Variants in PRKCA observed in about 807,000 individuals in gnomAD.
PRKCA encodes the protein protein kinase C alpha.
A neutral mutation model predicts 87.0 loss-of-function variants in PRKCA; 27 were observed. The ratio of observed to expected loss-of-function variants is 0.31; its 90% CI spans 0.23 to 0.43. The LOEUF (loss-of-function observed/expected upper bound fraction) is 0.43. PRKCA is among the 20% of genes least tolerant of loss of function. The pLI is 1.00. For synonymous variants in PRKCA, 329 were observed against 311.1 expected, an observed-to-expected ratio of 1.06 and a Z score of -0.61; for missense variants, 518 against 852.3, an observed-to-expected ratio of 0.61 and a Z score of 4.88.
intron 2 of PRKCA, among the ~76,000 whole-genome samples, chr17:66,458,647 A>G (rs1244985463): frequency 1.3e-5 from 2 of 151,840 alleles, no homozygotes; most frequent in Non-Finnish European, 2.9e-5. Context: ...CGCCCAGCTA[A>G]TTTTTGTATT....
chr17:66,622,575 T>G (rs1216190007), intron 3 of PRKCA, among the ~76,000 whole-genome samples: 1 of 152,218 alleles, frequency 6.6e-6, no homozygotes, highest in Non-Finnish European at 1.5e-5. Context: ...AAAGTAGATA[T>G]TAGAGTAACA....
chr17:66,516,847 A>T (rs1355531429), intron 3 of PRKCA, among the ~76,000 whole-genome samples: 2 of 152,168 alleles, frequency 1.3e-5, no homozygotes, highest in Non-Finnish European at 2.9e-5. Context: ...AGGTGGCTTA[A>T]CAAGAAATGC....
At chr17:66,381,534 A>G (rs1457817124) in intron 2 of PRKCA, among the ~76,000 whole-genome samples, 2 of 152,172 alleles carry the variant, frequency 1.3e-5, no homozygotes, top group Non-Finnish European at 2.9e-5. Flanking sequence ...GAGGAGAAGG[A>G]TTGGACAATC....
intron 3 of PRKCA, among the ~76,000 whole-genome samples, chr17:66,624,787 C>CAAATAAATAAAT (rs3064605): frequency 1.2e-3 from 173 of 143,712 alleles, no homozygotes; most frequent in Middle Eastern, 0.011. Flanking sequence ...GACTCCATCT[C>CAAATAAATAAAT]AAATAAATAA....
At chr17:66,486,218 C>T (rs1012502121) in intron 2 of PRKCA, among the ~76,000 whole-genome samples, 5 of 152,046 alleles carry the variant, frequency 3.3e-5, no homozygotes, top group Non-Finnish European at 7.4e-5. Context: ...TTGTTGTTTA[C>T]ATAAAGCAGT....
At chr17:66,465,393 T>A (rs1598695864) in intron 2 of PRKCA, among the ~76,000 whole-genome samples, 2 of 152,006 alleles carry the variant, frequency 1.3e-5, no homozygotes, top group South Asian at 4.1e-4. Context: ...AATTATTTTT[T>A]AATTTTTTTT....
chr17:66,583,945 A>C (rs1969520811), intron 3 of PRKCA, among the ~76,000 whole-genome samples: 1 of 152,220 alleles, frequency 6.6e-6, no homozygotes, highest in Non-Finnish European at 1.5e-5. Context: ...CGTCTCTGAA[A>C]AGTGCTGGCG....
chr17:66,741,627 G>A, intron 11 of PRKCA, 32 bp from the exon 12 acceptor site: 1 of 1,611,280 alleles, frequency 6.2e-7, no homozygotes, highest in East Asian at 2.2e-5. Flanking sequence ...AAGGAAGCAA[G>A]TGAGAAACCT....
intron 2 of PRKCA, among the ~76,000 whole-genome samples, chr17:66,470,047 CT>C (rs879643059): frequency 1.4e-4 from 20 of 147,486 alleles, no homozygotes; most frequent in East Asian, 2.0e-4. Flanking sequence ...ACATTCACTA[CT>C]TTTTTTTTTA....
chr17:66,700,671 A>G (rs1163971302), intron 8 of PRKCA, among the ~76,000 whole-genome samples: 2 of 152,230 alleles, frequency 1.3e-5, no homozygotes, highest in Non-Finnish European at 2.9e-5. Context: ...TATTCAAAAC[A>G]ATATAAGAAA....
intron 3 of PRKCA, among the ~76,000 whole-genome samples, chr17:66,594,318 T>C (rs1465405666): frequency 6.6e-6 from 1 of 152,122 alleles, no homozygotes; most frequent in African/African-American, 2.4e-5. Context: ...TTGGGTGGGG[T>C]GGTCTAAGGA....
chr17:66,777,304 C>T (rs1274244424), intron 14 of PRKCA: 2 of 984,858 alleles, frequency 2.0e-6, no homozygotes, highest in African/African-American at 3.5e-5. Context: ...TTCCTAAATA[C>T]TGAAATGGTC....
intron 2 of PRKCA, among the ~76,000 whole-genome samples, chr17:66,447,555 T>C (rs1252744958): frequency 6.6e-6 from 1 of 152,172 alleles, no homozygotes; most frequent in African/African-American, 2.4e-5. Context: ...AGTGAGTTGT[T>C]AAAAGAGCAG....
chr17:66,715,057 T>C (rs1161156773), intron 8 of PRKCA, among the ~76,000 whole-genome samples: 1 of 152,214 alleles, frequency 6.6e-6, no homozygotes, highest in African/African-American at 2.4e-5. Context: ...CAGAGACATT[T>C]TATAAAAATT....
At position 66,744,637 on chromosome 17, in the gene PRKCA, T is replaced by A. The variant is rs555175435; in HGVS notation, c.1524+1877T>A. 2.9e-4 allele frequency among the ~76,000 whole-genome samples: 44 copies of A among 152,364 alleles called. 1 individual carries two copies. In the Middle Eastern group the frequency reaches 0.01, roughly 35 times the overall value. ...TTGTCCATTTGAGTGTCTTGTCTTT[T>A]TTTGTTGTTGCGGTTCGGTATCATT... On this transcript the variant is annotated intron_variant, in intron 13 of 16. Transcript: ENST00000413366.
intron 2 of PRKCA, among the ~76,000 whole-genome samples, chr17:66,489,451 AT>A (rs1276366840): frequency 6.8e-6 from 1 of 147,924 alleles, no homozygotes; most frequent in Non-Finnish European, 1.5e-5. Context: ...GGATGAACCC[AT>A]TTTGCATATA....
At chr17:66,337,250 G>A (rs1049746786) in intron 2 of PRKCA, among the ~76,000 whole-genome samples, 6 of 152,108 alleles carry the variant, frequency 3.9e-5, no homozygotes, top group African/African-American at 1.2e-4. Context: ...GGATGAAGGC[G>A]AGGCAAAGGA....
intron 3 of PRKCA, among the ~76,000 whole-genome samples, chr17:66,605,032 C>G (rs1181946044): frequency 6.6e-6 from 1 of 152,094 alleles, no homozygotes; most frequent in African/African-American, 2.4e-5. Context: ...CCCCAAGGCT[C>G]CTTGTGAATA....
At chr17:66,477,458 G>A (rs1423054271) in intron 2 of PRKCA, among the ~76,000 whole-genome samples, 1 of 152,108 alleles carries the variant, frequency 6.6e-6, no homozygotes, top group African/African-American at 2.4e-5. Flanking sequence ...CCAGCACTTT[G>A]GGAGACTGAG....
Sources: allele counts gnomAD v4.1 joint callset (sites outside exome capture counted in the v4.1 genomes callset), GRCh38; gene constraint gnomAD v4.1.1; transcripts MANE v1.5; gene names NCBI Gene and HGNC (gene_info 2026-07-23, HGNC 2026-07-21).